The following FAM135B variants were observed in gnomAD, a reference collection of about 807,000 sequenced individuals.
The protein encoded by FAM135B is protein FAM135B.
FAM135B carries 43 observed loss-of-function variants against 127.7 expected under a neutral mutation model. The ratio of observed to expected loss-of-function variants is 0.34; its 90% CI spans 0.26 to 0.43. The LOEUF is 0.43. Among genes scored for constraint, FAM135B ranks in the 20% least tolerant of loss-of-function variants. The pLI, the probability that FAM135B is intolerant of heterozygous loss-of-function variation, is 1.00. For missense variants in FAM135B, 1,558 were observed against 1,725.6 expected (o/e 0.90, Z 1.72); for synonymous variants, 670 against 665.1 (o/e 1.01, Z -0.11).
At chr8:138,286,475 G>A (rs1005528444) in intron 3 of FAM135B, among the ~76,000 whole-genome samples, 10 of 152,190 alleles carry the variant, frequency 6.6e-5, no homozygotes, top group African/African-American at 1.9e-4. Flanking sequence ...TTTTATCCAC[G>A]TATAGACGGC....
chr8:138,369,329 C>A (rs1462902971), intron 1 of FAM135B, among the ~76,000 whole-genome samples: 1 of 152,094 alleles, frequency 6.6e-6, no homozygotes, highest in Admixed American at 6.6e-5. Flanking sequence ...CCTCTTACTG[C>A]CCCCAGATGC....
chr8:138,367,542 T>A (rs1015793227), intron 2 of FAM135B: 3 of 447,670 alleles, frequency 6.7e-6, no homozygotes, highest in Non-Finnish European at 1.3e-5. Flanking sequence ...TGCATCAGCA[T>A]CAGTATTGAA....
chr8:138,409,638 G>A (rs1412524614), intron 1 of FAM135B, among the ~76,000 whole-genome samples: 26 of 152,070 alleles, frequency 1.7e-4, no homozygotes, highest in Admixed American at 1.7e-3. Flanking sequence ...CACTTTGGGA[G>A]GCCGAGGTGG....
rs2130754371 is a variant in FAM135B at position 138,152,057 on chromosome 8, T to C, written c.2418A>G (p.Gln806=). The change falls in exon 13 of 20, where the codon CAA becomes CAG. Residue 806 remains glutamine (Q), a synonymous_variant. Coordinates refer to ENST00000395297, the MANE Select transcript of FAM135B (RefSeq NM_015912.4). ...GTTGAGAGCAAGATCCTGGGGAACCTTGGCTCTTGCTGTGCATATCTGAAG... is the reference window on the plus strand; with the variant it reads ...GTTGAGAGCAAGATCCTGGGGAACCCTGGCTCTTGCTGTGCATATCTGAAG... ...AEPSDMHSKS[Q]GSPGSCSQLC... is the part of the protein sequence containing the mutation. 1 of 1,614,052 alleles carries C rather than the reference T, an allele frequency of 6.2e-7. No individual in the cohort carries two copies. The highest frequency in any genetic ancestry group is 8.5e-7 in the Non-Finnish European group (1 of 1,180,038).
chr8:138,417,809 A>G (rs1834254119), intron 1 of FAM135B, among the ~76,000 whole-genome samples: 1 of 152,166 alleles, frequency 6.6e-6, no homozygotes, highest in Admixed American at 6.5e-5. Context: ...CCCAAAATAC[A>G]GTAATTTTAA....
chr8:138,181,986 A>G (rs1815083678), intron 9 of FAM135B, among the ~76,000 whole-genome samples: 1 of 152,076 alleles, frequency 6.6e-6, no homozygotes, highest in Non-Finnish European at 1.5e-5. Context: ...TCTTTACAAA[A>G]TGAATAGGTG....
chr8:138,250,691 T>C (rs181631397), intron 6 of FAM135B, 150 bp downstream of exon 6: 3 of 810,910 alleles, frequency 3.7e-6, no homozygotes, highest in Non-Finnish European at 5.6e-6. Flanking sequence ...CTCTCTCGCA[T>C]GCTCCTCAGT....
chr8:138,418,517 A>G (rs1834299641), intron 1 of FAM135B, among the ~76,000 whole-genome samples: 1 of 149,832 alleles, frequency 6.7e-6, no homozygotes, highest in Admixed American at 7.1e-5. Context: ...CAAGGTCAAC[A>G]TGAAAAAAAA....
intron 2 of FAM135B, among the ~76,000 whole-genome samples, chr8:138,337,301 A>C (rs1256812164): frequency 6.6e-6 from 1 of 151,690 alleles, no homozygotes; most frequent in African/African-American, 2.4e-5. Context: ...TCAATTAGGA[A>C]AAGAGGAAGT....
intron 2 of FAM135B, among the ~76,000 whole-genome samples, chr8:138,339,261 T>A (rs1035519296): frequency 2.0e-5 from 3 of 151,308 alleles, no homozygotes; most frequent in African/African-American, 2.4e-5. Flanking sequence ...AAGTATAATT[T>A]AAAAAAAAAC....
At chr8:138,205,647 G>T (rs1369158051) in intron 7 of FAM135B, among the ~76,000 whole-genome samples, 1 of 152,104 alleles carries the variant, frequency 6.6e-6, no homozygotes, top group East Asian at 1.9e-4. Context: ...ATGTGTCCCA[G>T]TACTCTGGAT....
At chr8:138,449,019 T>A (rs1836345295) in intron 1 of FAM135B, among the ~76,000 whole-genome samples, 1 of 152,176 alleles carries the variant, frequency 6.6e-6, no homozygotes, top group Admixed American at 6.5e-5. Context: ...GCTGATACAG[T>A]CCAATTGTCA....
intron 1 of FAM135B, among the ~76,000 whole-genome samples, chr8:138,414,694 TTTGA>T (rs1397802439): frequency 6.6e-6 from 1 of 151,984 alleles, no homozygotes; most frequent in Non-Finnish European, 1.5e-5. Context: ...CTGGATAGAG[TTTGA>T]TTGGACTAAG....
intron 1 of FAM135B, among the ~76,000 whole-genome samples, chr8:138,398,175 C>T (rs926804587): frequency 3.3e-5 from 5 of 152,154 alleles, no homozygotes; most frequent in African/African-American, 1.2e-4. Context: ...ATGGCACCAC[C>T]ACCCAGCACC....
intron 1 of FAM135B, among the ~76,000 whole-genome samples, chr8:138,382,201 C>A (rs1831900154): frequency 6.6e-6 from 1 of 152,104 alleles, no homozygotes; most frequent in East Asian, 1.9e-4. Context: ...TCCTCCCAGC[C>A]AAAATGGAAA....
At chr8:138,468,807 G>C (rs185733045) in intron 1 of FAM135B, among the ~76,000 whole-genome samples, 1 of 152,194 alleles carries the variant, frequency 6.6e-6, no homozygotes, top group Non-Finnish European at 1.5e-5. Context: ...CACATTGGGA[G>C]GCCAAGGCGG....
At chr8:138,153,288 A>C in intron 12 of FAM135B, 72 bp from the exon 13 acceptor site, 1 of 1,260,392 alleles carries the variant, frequency 7.9e-7, no homozygotes, top group South Asian at 1.7e-5. Flanking sequence ...CAAATGTCTA[A>C]CTGTATAATA....
At chr8:138,430,359 T>C (rs951803197) in intron 1 of FAM135B, among the ~76,000 whole-genome samples, 4 of 152,206 alleles carry the variant, frequency 2.6e-5, no homozygotes, top group African/African-American at 2.4e-5. Context: ...ATTTTTAATA[T>C]ACATGCATAA....
chr8:138,442,476 A>G (rs1019612722), intron 1 of FAM135B, among the ~76,000 whole-genome samples: 8 of 151,720 alleles, frequency 5.3e-5, no homozygotes, highest in Admixed American at 3.9e-4. Flanking sequence ...AAAAATGTCA[A>G]GTGATAGGAT....
Sources: allele counts gnomAD v4.1 joint callset (sites outside exome capture counted in the v4.1 genomes callset), GRCh38; gene constraint gnomAD v4.1.1; transcripts MANE v1.5; gene names NCBI Gene and HGNC (gene_info 2026-07-23, HGNC 2026-07-21).